The following PPM1D variants were observed in gnomAD, a reference collection of about 807,000 sequenced individuals.
The protein encoded by PPM1D is protein phosphatase 1D.
In PPM1D, 52 loss-of-function variants were observed where a neutral mutation model predicts 58.3. The ratio of observed to expected loss-of-function variants is 0.89; its 90% CI spans 0.71 to 1.12. The LOEUF (loss-of-function observed/expected upper bound fraction) is 1.12, where lower values mean the gene tolerates loss of function less well. Ranked by LOEUF, PPM1D falls within the 50% of genes most tolerant of loss-of-function variation. The probability of loss-of-function intolerance (pLI) is 0.00; values close to 1 mark genes in which losing one functional copy is unlikely to be tolerated. For missense variants in PPM1D, 564 were observed against 777.2 expected (o/e 0.73, Z 3.26); for synonymous variants, 278 against 285.1 (o/e 0.98, Z 0.25).
chr17:60,636,136 A>T (rs1341402749), intron 3 of PPM1D, among the ~76,000 whole-genome samples: 1 of 152,158 alleles, frequency 6.6e-6, no homozygotes, highest in Non-Finnish European at 1.5e-5. Context: ...GCTTCCTTAG[A>T]GCAAGTGATC....
chr17:60,662,541 A>G (rs1486484354), intron 5 of PPM1D: 2 of 155,280 alleles, frequency 1.3e-5, no homozygotes, highest in Admixed American at 6.3e-5. Context: ...CCAAAAGTAA[A>G]TTAAAATGCA....
At chr17:60,653,298 C>T (rs529007994) in intron 4 of PPM1D, among the ~76,000 whole-genome samples, 1 of 152,110 alleles carries the variant, frequency 6.6e-6, no homozygotes, top group Non-Finnish European at 1.5e-5. Context: ...TTTCCCCCTA[C>T]CATTTATTGT....
chr17:60,644,710 C>A (rs1237870759), intron 3 of PPM1D, among the ~76,000 whole-genome samples: 1 of 152,138 alleles, frequency 6.6e-6, no homozygotes, highest in East Asian at 1.9e-4. Context: ...TAAAAAATCC[C>A]AGATAATCTT....
At chr17:60,656,357 G>T in intron 4 of PPM1D, among the ~76,000 whole-genome samples, 1 of 151,332 alleles carries the variant, frequency 6.6e-6, no homozygotes, top group Non-Finnish European at 1.5e-5. Context: ...GGAGGCTGAG[G>T]CAGAAGAATG....
intron 4 of PPM1D, among the ~76,000 whole-genome samples, chr17:60,651,353 A>C (rs562083123): frequency 6.6e-6 from 1 of 151,358 alleles, no homozygotes; most frequent in East Asian, 1.9e-4. Context: ...CTGAAATTGG[A>C]ATACTTTTTA....
At position 60,600,323 on chromosome 17, in the gene PPM1D, T is replaced by G; in HGVS notation, c.-92T>G. ...TCCCCCTTCTCGGCGTCGTCGAAGA[T>G]AAACAATAGTTGGCCGGCGAGCGCC... On this transcript the variant is annotated 5_prime_UTR_variant, in exon 1 of 6. Transcript: ENST00000305921. The G allele has an allele frequency of 1.3e-6, 2 of 1,484,482 alleles. No homozygotes were observed. The highest frequency in any genetic ancestry group is 1.8e-6 in the Non-Finnish European group (2 of 1,122,212). The allele number at this position is 1,484,482 out of a possible 1,614,324, so 92.0% of individuals were successfully genotyped here. A position where few individuals can be genotyped will look rare whatever the true frequency, so the allele number is the denominator to read the frequency against.
chr17:60,661,956 T>A (rs1216950427), intron 5 of PPM1D, among the ~76,000 whole-genome samples: 1 of 152,148 alleles, frequency 6.6e-6, no homozygotes, highest in African/African-American at 2.4e-5. Context: ...TTACACTGGT[T>A]TTCATTACTA....
chr17:60,620,205 G>A (rs1015249597), intron 1 of PPM1D, among the ~76,000 whole-genome samples: 5 of 152,048 alleles, frequency 3.3e-5, no homozygotes, highest in African/African-American at 1.2e-4. Context: ...CACCGTGTTA[G>A]CCAGGCTGGT....
Position 60,600,853 on chromosome 17 carries a change from C to G in PPM1D, c.439C>G (p.Leu147Val), listed in dbSNP as rs148074313. Residue 147 changes from leucine (L) to valine (V), a missense_variant, in exon 1 of 6, where the codon CTC (leucine) becomes GTC (valine). Coordinates refer to ENST00000305921, the MANE Select transcript of PPM1D (RefSeq NM_003620.4). ...TTGCGCTGCCATCCGCAAAGGCTTT[C>G]TCGCTTGTCACCTTGCCATGTGGAA... ...KVCAAIRKGF[L>V]ACHLAMWKKL... The G allele has an allele frequency of 2.1e-4, 339 of 1,613,134 alleles. 1 individual carries two copies. Among genetic ancestry groups the G allele is most frequent in the Admixed American group, 1.5e-3 (91 of 60,034 alleles).
chr17:60,633,301 A>G (rs1027963403), intron 2 of PPM1D, among the ~76,000 whole-genome samples: 1 of 152,198 alleles, frequency 6.6e-6, no homozygotes, highest in Non-Finnish European at 1.5e-5. Context: ...AACAACAACA[A>G]CAAAAATTAA....
chr17:60,621,563 ATTTTTTTTTTT>A (rs775950363), intron 1 of PPM1D, among the ~76,000 whole-genome samples: 1 of 96,132 alleles, frequency 1.0e-5, no homozygotes, highest in African/African-American at 3.8e-5. Flanking sequence ...TATTTTTTGT[ATTTTTTTTTTT>A]TTTTTTTTTT....
chr17:60,653,618 G>A (rs569757978), intron 4 of PPM1D, among the ~76,000 whole-genome samples: 3 of 152,232 alleles, frequency 2.0e-5, no homozygotes, highest in Non-Finnish European at 4.4e-5. Flanking sequence ...AAATTGCTTT[G>A]GGTAGTATTG....
chr17:60,662,900 C>G (rs937723631), intron 5 of PPM1D, 95 bp from the exon 6 acceptor site: 47 of 1,221,514 alleles, frequency 3.8e-5, no homozygotes, highest in East Asian at 2.3e-4. Flanking sequence ...TTTTGCCATC[C>G]TACTAGCTTC....
chr17:60,620,295 C>T (rs548925484), intron 1 of PPM1D, among the ~76,000 whole-genome samples: 1 of 152,190 alleles, frequency 6.6e-6, no homozygotes, highest in South Asian at 2.1e-4. Flanking sequence ...CCGCGCCCGG[C>T]CTGCCCAGTT....
At chr17:60,657,830 C>T (rs1165091306) in intron 5 of PPM1D, among the ~76,000 whole-genome samples, 1 of 152,126 alleles carries the variant, frequency 6.6e-6, no homozygotes, top group African/African-American at 2.4e-5. Flanking sequence ...ACCTCTACCT[C>T]CCAGGTTCAG....
At chr17:60,622,139 G>A (rs535830047) in intron 1 of PPM1D, among the ~76,000 whole-genome samples, 72 of 150,376 alleles carry the variant, frequency 4.8e-4, no homozygotes, top group Non-Finnish European at 8.0e-4. Context: ...GCAGTGAGCC[G>A]AGATCATGCC....
intron 2 of PPM1D, 75 bp downstream of exon 2, chr17:60,623,824 T>C: frequency 7.1e-7 from 1 of 1,409,884 alleles, no homozygotes; most frequent in Non-Finnish European, 9.8e-7. Flanking sequence ...GAAATTGACC[T>C]ACTACTGTCC....
chr17:60,648,825 A>G (rs1433571419), intron 4 of PPM1D, among the ~76,000 whole-genome samples: 1 of 145,432 alleles, frequency 6.9e-6, no homozygotes, highest in Non-Finnish European at 1.5e-5. Context: ...GTGCAGTGGC[A>G]TGATCTCAGC....
chr17:60,611,911 A>G (rs1056321068), intron 1 of PPM1D, among the ~76,000 whole-genome samples: 1 of 152,010 alleles, frequency 6.6e-6, no homozygotes, highest in African/African-American at 2.4e-5. Context: ...TCTAAGAGGT[A>G]TACAGCTCTG....
Sources: gnomAD v4.1 joint callset for allele counts (sites outside exome capture counted in the v4.1 genomes callset) on GRCh38, gnomAD v4.1.1 for gene constraint, MANE v1.5 for transcripts, NCBI Gene and HGNC (gene_info 2026-07-23, HGNC 2026-07-21) for gene names.